Variants in VPS13B observed in about 807,000 individuals in gnomAD.
VPS13B encodes the protein vacuolar protein sorting 13 homolog B.
In VPS13B, 285 loss-of-function variants were observed where a neutral mutation model predicts 426.4. The ratio of observed to expected loss-of-function variants is 0.67; its 90% CI spans 0.61 to 0.74. The LOEUF is 0.74. Among genes scored for constraint, VPS13B ranks in the 30% least tolerant of loss-of-function variants. VPS13B has a pLI of 0.00. For synonymous variants in VPS13B, 1,676 were observed against 1,676.4 expected (o/e 1.00, Z 0.01); for missense variants, 4,537 against 4,782.6 (o/e 0.95, Z 1.51).
At chr8:99,800,021 G>A (rs1813041742) in intron 43 of VPS13B, among the ~76,000 whole-genome samples, 1 of 152,074 alleles carries the variant, frequency 6.6e-6, no homozygotes, top group African/African-American at 2.4e-5. Flanking sequence ...TCCCACTGAA[G>A]AATTGGGTCT....
intron 17 of VPS13B, among the ~76,000 whole-genome samples, chr8:99,213,863 C>G (rs866977590): frequency 6.7e-6 from 1 of 150,158 alleles, no homozygotes; most frequent in Middle Eastern, 3.4e-3. Flanking sequence ...TGTTTGGTAT[C>G]CTAGCCCGTC....
chr8:99,109,192 A>G (rs1026014859), intron 5 of VPS13B, among the ~76,000 whole-genome samples: 1 of 152,256 alleles, frequency 6.6e-6, no homozygotes, highest in Admixed American at 6.5e-5. Flanking sequence ...TATTTTACTG[A>G]TTAAATTGTA....
At chr8:99,654,645 A>C (rs1042892184) in intron 34 of VPS13B, among the ~76,000 whole-genome samples, 1 of 152,166 alleles carries the variant, frequency 6.6e-6, no homozygotes, top group African/African-American at 2.4e-5. Flanking sequence ...GAAGCCGTTG[A>C]GCATAGCCAA....
chr8:99,541,953 A>T (rs1353447129), intron 30 of VPS13B, among the ~76,000 whole-genome samples: 2 of 152,220 alleles, frequency 1.3e-5, no homozygotes, highest in African/African-American at 2.4e-5. Context: ...TAGAACCTCC[A>T]CTTGCAGGAT....
At chr8:99,337,909 G>T (rs1247954660) in intron 19 of VPS13B, among the ~76,000 whole-genome samples, 2 of 149,710 alleles carry the variant, frequency 1.3e-5, no homozygotes, top group African/African-American at 4.9e-5. Flanking sequence ...TCAAGTTTTT[G>T]TTTTTTTTTT....
intron 33 of VPS13B, among the ~76,000 whole-genome samples, chr8:99,595,009 C>A (rs1017515217): frequency 6.6e-6 from 1 of 151,954 alleles, no homozygotes; most frequent in African/African-American, 2.4e-5. Flanking sequence ...ACTGTTAAAG[C>A]TGCATTGAAA....
intron 30 of VPS13B, among the ~76,000 whole-genome samples, chr8:99,546,111 T>C (rs1823958901): frequency 6.6e-6 from 1 of 152,092 alleles, no homozygotes; most frequent in Non-Finnish European, 1.5e-5. Context: ...AGTTTGAGAA[T>C]ACTAACTTCT....
chr8:99,444,813 A>G (rs1306261165), intron 23 of VPS13B, among the ~76,000 whole-genome samples: 2 of 152,028 alleles, frequency 1.3e-5, no homozygotes, highest in African/African-American at 4.8e-5. Flanking sequence ...ACAGGCACAC[A>G]CTACCATGCC....
At chr8:99,262,852 C>A (rs1342978117) in intron 17 of VPS13B, among the ~76,000 whole-genome samples, 1 of 151,836 alleles carries the variant, frequency 6.6e-6, no homozygotes, top group African/African-American at 2.4e-5. Context: ...AGTGGTATGA[C>A]CATGACGCAC....
chr8:99,481,311 G>A (rs1488563806), intron 24 of VPS13B, among the ~76,000 whole-genome samples: 3 of 152,076 alleles, frequency 2.0e-5, no homozygotes, highest in Non-Finnish European at 4.4e-5. Flanking sequence ...AGAGGCATTT[G>A]TATGTGTTCT....
intron 22 of VPS13B, among the ~76,000 whole-genome samples, chr8:99,433,897 C>G (rs59178100): frequency 6.6e-6 from 1 of 152,048 alleles, no homozygotes; most frequent in South Asian, 2.1e-4. Flanking sequence ...CCTTCGCCTC[C>G]CAGGTTCAAG....
intron 3 of VPS13B, among the ~76,000 whole-genome samples, chr8:99,053,390 T>G (rs996488774): frequency 6.6e-6 from 1 of 152,006 alleles, no homozygotes; most frequent in African/African-American, 2.4e-5. Flanking sequence ...AACATGCGGT[T>G]TTTTTGGTTT....
At chr8:99,611,885 A>G (rs971812319) in intron 33 of VPS13B, among the ~76,000 whole-genome samples, 2 of 152,016 alleles carry the variant, frequency 1.3e-5, no homozygotes, top group African/African-American at 2.4e-5. Flanking sequence ...AAATTTTAGG[A>G]CTCTGAGGAC....
chr8:99,405,969 G>C (rs1815305344), intron 21 of VPS13B, among the ~76,000 whole-genome samples: 1 of 151,654 alleles, frequency 6.6e-6, no homozygotes, highest in Non-Finnish European at 1.5e-5. Context: ...TAGTAGAGAT[G>C]GTGTTTCACC....
At chr8:99,035,586 G>A (rs1390540805) in intron 2 of VPS13B, among the ~76,000 whole-genome samples, 1 of 152,122 alleles carries the variant, frequency 6.6e-6, no homozygotes, top group Non-Finnish European at 1.5e-5. Context: ...ATGAGTATTA[G>A]AGTTGCTTTT....
intron 19 of VPS13B, chr8:99,340,548 G>A (rs1242619193): frequency 2.1e-6 from 1 of 467,990 alleles, no homozygotes; most frequent in Non-Finnish European, 4.3e-6. Context: ...GGAGGTGTCT[G>A]GTCACCTGGG....
chr8:99,152,928 G>A (rs908911317), intron 14 of VPS13B, among the ~76,000 whole-genome samples: 1 of 152,156 alleles, frequency 6.6e-6, no homozygotes, highest in Non-Finnish European at 1.5e-5. Context: ...TGTAATCCCA[G>A]TGCTTTGGGA....
intron 33 of VPS13B, among the ~76,000 whole-genome samples, chr8:99,584,893 T>C (rs1476214359): frequency 2.0e-5 from 3 of 152,184 alleles, no homozygotes; most frequent in Non-Finnish European, 2.9e-5. Context: ...ATATATTTAG[T>C]AGGGAAGACA....
intron 19 of VPS13B, among the ~76,000 whole-genome samples, chr8:99,382,874 G>C (rs1390382438): frequency 1.3e-5 from 2 of 152,112 alleles, no homozygotes; most frequent in Non-Finnish European, 1.5e-5. Context: ...TGGTGAGAGA[G>C]GGCATCTTGT....
Sources: gnomAD v4.1 joint callset for allele counts (sites outside exome capture counted in the v4.1 genomes callset) on GRCh38, gnomAD v4.1.1 for gene constraint, MANE v1.5 for transcripts, NCBI Gene and HGNC (gene_info 2026-07-23, HGNC 2026-07-21) for gene names.